SORL1: variants seen among roughly 807,000 people sequenced by gnomAD.
SORL1 encodes the protein sortilin related receptor 1.
A neutral mutation model predicts 273.7 loss-of-function variants in SORL1; 127 were observed. The observed-to-expected ratio is 0.46, with a 90% CI of 0.40 to 0.54. SORL1 has a LOEUF of 0.54. Among genes scored for constraint, SORL1 ranks in the 20% least tolerant of loss-of-function variants. SORL1 has a pLI of 0.00. For missense variants in SORL1, 2,494 were observed against 2,846.1 expected (o/e 0.88, Z 2.81); for synonymous variants, 1,031 against 1,067.4 (o/e 0.97, Z 0.66).
At chr11:121,556,390 T>A (rs1487672811) in intron 18 of SORL1, among the ~76,000 whole-genome samples, 7 of 152,184 alleles carry the variant, frequency 4.6e-5, no homozygotes, top group Non-Finnish European at 8.8e-5. Context: ...GGTTGATGTC[T>A]TAGCTGAGCC....
intron 39 of SORL1, chr11:121,612,507 A>G (rs1565354459): frequency 2.8e-6 from 1 of 351,000 alleles, no homozygotes; most frequent in Non-Finnish European, 5.3e-6. Context: ...GAATCTATAA[A>G]TTAAATATGG....
At chr11:121,583,326 G>T in intron 25 of SORL1, 132 bp from the exon 26 acceptor site, 3 of 1,081,922 alleles carry the variant, frequency 2.8e-6, no homozygotes, top group Non-Finnish European at 3.7e-6. Context: ...CAGCCAAGGA[G>T]AAACCCAGAT....
chr11:121,594,999 GT>G (rs1863271997), intron 31 of SORL1, among the ~76,000 whole-genome samples: 1 of 152,158 alleles, frequency 6.6e-6, no homozygotes, highest in South Asian at 2.1e-4. Flanking sequence ...CCATATGTAG[GT>G]TTAATCCCCC....
At chr11:121,601,691 C>T (rs1211569555) in intron 32 of SORL1, among the ~76,000 whole-genome samples, 1 of 151,234 alleles carries the variant, frequency 6.6e-6, no homozygotes, top group African/African-American at 2.4e-5. Context: ...GCTGGGATTA[C>T]AGGTGCACAC....
intron 24 of SORL1, 96 bp from the exon 25 acceptor site, chr11:121,577,185 G>A (rs995748124): frequency 8.4e-6 from 12 of 1,427,380 alleles, no homozygotes; most frequent in Admixed American, 6.1e-5. Context: ...TGGTGATCAC[G>A]GGTCCATCTC....
chr11:121,488,138 A>C lies in SORL1; in HGVS notation c.635A>C (p.His212Pro). ...IPFRAADLLL[H>P]SKASNLLLGF... Reference sequence around the variant, plus strand: ...TTTCGGGCAGCTGATCTCCTCCTACACAGTAAGGCCTCCAACCTTCTCTTG... The same window carrying C: ...TTTCGGGCAGCTGATCTCCTCCTACCCAGTAAGGCCTCCAACCTTCTCTTG... The change falls in exon 4 of 48, where the codon CAC becomes CCC. Residue 212 changes from histidine (H) to proline (P), a missense_variant. Transcript: ENST00000260197. 1 of 1,614,020 alleles carries C rather than the reference A, an allele frequency of 6.2e-7. No homozygotes were observed. The highest frequency in any genetic ancestry group is 8.5e-7 in the Non-Finnish European group (1 of 1,179,974).
intron 16 of SORL1, among the ~76,000 whole-genome samples, chr11:121,551,978 A>G (rs142306000): frequency 2.4e-4 from 37 of 152,310 alleles, no homozygotes; most frequent in African/African-American, 8.4e-4. Context: ...TACTTTTGTA[A>G]TAAATATTTC....
chr11:121,541,236 C>T (rs1289431685), intron 12 of SORL1, among the ~76,000 whole-genome samples: 1 of 150,164 alleles, frequency 6.7e-6, no homozygotes, highest in African/African-American at 2.5e-5. Flanking sequence ...GGGTCTCGCT[C>T]TGTCATCCAG....
chr11:121,614,146 C>T (rs1863607873), intron 40 of SORL1: 1 of 152,172 alleles, frequency 6.6e-6, no homozygotes, highest in African/African-American at 2.4e-5. Flanking sequence ...AATAGCATTT[C>T]CTCTGATCAG....
At chr11:121,600,889 A>C (rs1398278667) in intron 32 of SORL1, among the ~76,000 whole-genome samples, 2 of 145,758 alleles carry the variant, frequency 1.4e-5, no homozygotes, top group Non-Finnish European at 2.9e-5. Context: ...TTTTGTTTTA[A>C]TTTAAGGCTC....
chr11:121,463,588 G>C (rs2134772507), intron 1 of SORL1, among the ~76,000 whole-genome samples: 1 of 152,142 alleles, frequency 6.6e-6, no homozygotes, highest in South Asian at 2.1e-4. Context: ...CAGTGAAGGA[G>C]ATAGTAGTGA....
At chr11:121,544,990 G>A (rs899809108) in intron 13 of SORL1, among the ~76,000 whole-genome samples, 14 of 152,164 alleles carry the variant, frequency 9.2e-5, no homozygotes, top group Admixed American at 2.0e-4. Flanking sequence ...GTAATGTTTC[G>A]GAAATTTGGA....
chr11:121,579,745 T>G (rs1862987522), intron 25 of SORL1, among the ~76,000 whole-genome samples: 1 of 152,242 alleles, frequency 6.6e-6, no homozygotes, highest in African/African-American at 2.4e-5. Context: ...ACTGTTACTC[T>G]TTTTAAATAA....
chr11:121,468,710 C>T (rs905881756), intron 1 of SORL1, among the ~76,000 whole-genome samples: 5 of 152,124 alleles, frequency 3.3e-5, no homozygotes, highest in East Asian at 1.9e-4. Context: ...CGTGGGCCAC[C>T]GAGCCTGACC....
Position 121,608,185 on chromosome 11 carries a change from T to TC in SORL1, c.5239+12dup. The TC allele has an allele frequency of 6.2e-7, 1 of 1,607,188 alleles. No homozygotes were observed. Among genetic ancestry groups the TC allele is most frequent in the Non-Finnish European group, 8.5e-7 (1 of 1,173,916 alleles). ...CACCATAAAAGGAAAAGGTAAATGA[T>TC]CCCAGCATTTGCAGATTTAGAGAAA... On this transcript the variant is annotated intron_variant, in intron 38 of 47. Coordinates refer to ENST00000260197, the MANE Select transcript of SORL1 (RefSeq NM_003105.6).
intron 5 of SORL1, among the ~76,000 whole-genome samples, chr11:121,494,580 G>A (rs1441144481): frequency 6.6e-6 from 1 of 152,172 alleles, no homozygotes; most frequent in Non-Finnish European, 1.5e-5. Flanking sequence ...TCTCAATGAG[G>A]ACAAAGACAA....
In SORL1 at chr11:121,565,860, C is replaced by G. The variant is rs115838641; in HGVS notation, c.3050-1080C>G. Among the ~76,000 whole-genome samples, 602 of 152,316 alleles carry G rather than the reference C, an allele frequency of 4.0e-3. 4 individuals are homozygous for G. Among genetic ancestry groups the G allele is most frequent in the African/African-American group, 0.014 (564 of 41,570 alleles). ...AGTGCAGTGGTGGATTTTACGAACT[C>G]TCTCCGGTGCTGCCTTTAGTAAGCT... On this transcript the variant is annotated intron_variant, in intron 21 of 47. Coordinates refer to ENST00000260197, the MANE Select transcript of SORL1 (RefSeq NM_003105.6).
At chr11:121,571,072 A>G (rs548432284) in intron 23 of SORL1, among the ~76,000 whole-genome samples, 15 of 152,342 alleles carry the variant, frequency 9.8e-5, no homozygotes, top group African/African-American at 2.6e-4. Flanking sequence ...ATTGCCGATC[A>G]AGGCAGAAAC....
At position 121,550,209 on chromosome 11, in the gene SORL1, G is replaced by A; in HGVS notation, c.2180+121G>A. On this transcript the variant is annotated intron_variant, in intron 15 of 47. Coordinates refer to ENST00000260197, the MANE Select transcript of SORL1 (RefSeq NM_003105.6). This position sits in a 1 kb window ranked among gnomAD's most constrained non-coding sequence, Gnocchi z 5.3. ...TTCTAGAATTCCAAGTTAACAGCCTGCAAGTAGTTTGGGCAACATTATAAA... is the reference window on the plus strand; with the variant it reads ...TTCTAGAATTCCAAGTTAACAGCCTACAAGTAGTTTGGGCAACATTATAAA... 1 of 1,042,774 alleles carries A rather than the reference G, an allele frequency of 9.6e-7. No individual in the cohort carries two copies. Among genetic ancestry groups the A allele is most frequent in the Non-Finnish European group, 1.4e-6 (1 of 736,960 alleles). 64.6% of individuals were successfully genotyped at this position (1,042,774 alleles called of 1,614,324 possible).
Sources: gnomAD v4.1 joint callset for allele counts (sites outside exome capture counted in the v4.1 genomes callset) on GRCh38, gnomAD v4.1.1 for gene constraint, Gnocchi (gnomAD v3.1) non-coding constraint, MANE v1.5 for transcripts, NCBI Gene and HGNC (gene_info 2026-07-23, HGNC 2026-07-21) for gene names.